Variants in TEP1 observed in about 807,000 individuals in gnomAD.
TEP1 encodes the protein telomerase associated protein 1.
TEP1 carries 241 observed loss-of-function variants against 306.3 expected under a neutral mutation model. The observed-to-expected ratio is 0.79, with a 90% CI of 0.71 to 0.88. The LOEUF is 0.88. Ranked by LOEUF, TEP1 falls within the 40% of genes least tolerant of loss-of-function variation. TEP1 has a pLI of 0.00. For synonymous variants in TEP1, 1,289 were observed against 1,305.5 expected (o/e 0.99, Z 0.27); for missense variants, 3,051 against 3,276.1 (o/e 0.93, Z 1.68).
rs764003289 is a variant in TEP1, at chr14:20,381,917, G to A, written c.4420C>T (p.Arg1474Cys). The part of the protein sequence containing the change: ...GPFACLVQSL[R>C]SLLGEGPLER... The stretch of plus-strand genomic sequence containing the variant: ...GCTCTGCTGGGGCACCTGTACCTGC[G>A]CAGACTCTGGACGAGGCAGGCAAAC... The change falls in exon 30 of 55, where the codon CGC (arginine) becomes TGC (cysteine). Residue 1474 changes from arginine (R) to cysteine (C), a missense_variant. Arg to Cys is a radical substitution (Grantham distance 180, BLOSUM62 -3). Coordinates refer to ENST00000262715, the MANE Select transcript of TEP1 (RefSeq NM_007110.5). The surrounding 1 kb of genome is among the most constrained non-coding windows in gnomAD (Gnocchi z 4.0). 1.4e-5 allele frequency: 22 copies of A among 1,613,760 alleles called. No individual in the cohort carries two copies. The South Asian group carries it at 2.2e-4, about 16-fold the overall frequency.
chr14:20,384,460 G>T lies in TEP1; in HGVS notation c.3270C>A (p.Gly1090=), dbSNP rs745435784. 1.9e-6 allele frequency: 3 copies of T among 1,613,984 alleles called. No individual in the cohort carries two copies. The highest frequency in any genetic ancestry group is 2.2e-5 in the South Asian group (2 of 91,068). ...GGVAAGRPYV[G]GLEEFGQLVL... ...CCAACTGCCCAAACTCCTCCAGCCC[G>T]CCAACATAGGGCCGGCCAGCTGCCA... Residue 1090 remains glycine (G), a synonymous_variant, in exon 23 of 55, where the codon GGC becomes GGA. Coordinates refer to ENST00000262715, the MANE Select transcript of TEP1 (RefSeq NM_007110.5).
intron 7 of TEP1, 122 bp from the exon 8 acceptor site, chr14:20,401,703 A>C: frequency 6.9e-7 from 1 of 1,447,782 alleles, no homozygotes; most frequent in Non-Finnish European, 9.3e-7. Flanking sequence ...TTCAAAATAG[A>C]TTTGGCCAAG....
chr14:20,405,580 A>C lies in TEP1; in HGVS notation c.741T>G (p.Ala247=), dbSNP rs778857745. 6 of 1,613,794 alleles carry C rather than the reference A, an allele frequency of 3.7e-6. No homozygotes were observed. Among genetic ancestry groups the C allele is most frequent in the Non-Finnish European group, 5.1e-6 (6 of 1,179,820 alleles). ...TDHVLQEKKM[A]LLSLLCSTLV... ...GAGTAGAGCACAGCAAGCTCAGTAG[A>C]GCCATCTGGGAATTGAGAAAGAGGG... The change falls in exon 4 of 55, where the codon GCT becomes GCG. Residue 247 remains alanine (A), a synonymous_variant. Transcript: ENST00000262715.
intron 15 of TEP1, among the ~76,000 whole-genome samples, chr14:20,390,412 C>A (rs1877594833): frequency 6.6e-6 from 1 of 152,184 alleles, no homozygotes; most frequent in Non-Finnish European, 1.5e-5. Flanking sequence ...TGTTCAGTAG[C>A]ATCATGTCGA....
rs1218817549 is a variant in TEP1 at position 20,378,053 on chromosome 14, G to A, written c.5692C>T (p.Gln1898Ter). ...CCATCCTCTCCAGCCGTCAGTAACT[G>A]GCAACCCGCATGCAGGAAAAGCGCA... The part of the protein sequence containing the change: ...AAALFLHAGC[Q>*]LLTAGEDGKV... Residue 1898 changes from glutamine (Q) to a stop codon, truncating the protein, a stop_gained, in exon 39 of 55, where the codon CAG (glutamine) becomes TAG (stop). Coordinates refer to ENST00000262715, the MANE Select transcript of TEP1 (RefSeq NM_007110.5). LOFTEE classifies it high-confidence loss of function. 6.2e-7 allele frequency: 1 copy of A among 1,613,426 alleles called. No individual in the cohort carries two copies. The highest frequency in any genetic ancestry group is 1.3e-5 in the African/African-American group (1 of 74,838).
chr14:20,396,494 A>G, intron 10 of TEP1, 127 bp downstream of exon 10: 1 of 669,778 alleles, frequency 1.5e-6, no homozygotes, highest in Non-Finnish European at 2.5e-6. Context: ...TACAGCCCAC[A>G]TGGAAACAGC....
intron 4 of TEP1, 53 bp from the exon 5 acceptor site, chr14:20,404,825 C>T (rs181098353): frequency 1.3e-6 from 2 of 1,543,408 alleles, no homozygotes; most frequent in East Asian, 2.3e-5. Flanking sequence ...CCGTAGCTTT[C>T]TGCCCTGAAA....
intron 9 of TEP1, among the ~76,000 whole-genome samples, chr14:20,399,499 T>C (rs114387285): frequency 2.2e-4 from 34 of 151,796 alleles, no homozygotes; most frequent in African/African-American, 8.2e-4. Flanking sequence ...TTTTATCTTA[T>C]ATTTTATACT....
chr14:20,370,007 G>A (rs1884739698), intron 51 of TEP1, among the ~76,000 whole-genome samples: 1 of 151,362 alleles, frequency 6.6e-6, no homozygotes, highest in Non-Finnish European at 1.5e-5. Flanking sequence ...TCTGCCTCCT[G>A]GGTTCAAGCG....
chr14:20,368,777 C>T, intron 54 of TEP1, 21 bp downstream of exon 54: 1 of 1,597,354 alleles, frequency 6.3e-7, no homozygotes, highest in Non-Finnish European at 8.6e-7. Flanking sequence ...CACACACACA[C>T]ACACACACAC....
intron 6 of TEP1, 78 bp downstream of exon 6, chr14:20,403,645 C>T (rs1878936929): frequency 1.6e-5 from 26 of 1,603,352 alleles, no homozygotes; most frequent in Admixed American, 3.4e-5. Flanking sequence ...TGTGGGACTC[C>T]CCAGCATCAG....
chr14:20,379,875 G>A (rs1351179822), intron 35 of TEP1, 55 bp downstream of exon 35: 6 of 1,566,968 alleles, frequency 3.8e-6, no homozygotes, highest in Non-Finnish European at 5.2e-6. Context: ...AGGGCTTCAG[G>A]GCAGTCTGCA....
Position 20,407,884 on chromosome 14 carries a change from C to T in TEP1, c.556G>A (p.Glu186Lys). The T allele has an allele frequency of 6.3e-7, 1 of 1,595,080 alleles. No homozygotes were observed. Among genetic ancestry groups the T allele is most frequent in the Non-Finnish European group, 8.5e-7 (1 of 1,169,654 alleles). ...KSISATETAQ[E>K]ATLGRWFDSE... ...CCTGGAGCTATTACCAAAGTTGCTT[C>T]CTGAGCTGTCTCTGTGGCAGAGATG... The change falls in exon 2 of 55, where the codon GAA (glutamate) becomes AAA (lysine). Residue 186 changes from glutamate to lysine, a missense_variant. Coordinates refer to ENST00000262715, the MANE Select transcript of TEP1 (RefSeq NM_007110.5).
Position 20,381,093 on chromosome 14 carries a change from G to A in TEP1, c.4648-48C>T, listed in dbSNP as rs1280375833. 1.3e-6 allele frequency: 2 copies of A among 1,494,174 alleles called. No homozygotes were observed. Among genetic ancestry groups the A allele is most frequent in the South Asian group, 2.3e-5 (2 of 88,382 alleles). The allele number at this position is 1,494,174 out of a possible 1,614,324, so 92.6% of individuals were successfully genotyped here. A position where few individuals can be genotyped will look rare whatever the true frequency, so the allele number is the denominator to read the frequency against. ...ATTAGGGATATGAAGGGGCTGGTGA[G>A]AAGGGACAGTTTAGTCTCAGAACCT... On this transcript the variant is annotated intron_variant, in intron 32 of 54. Transcript: ENST00000262715. The surrounding 1 kb of genome is among the most constrained non-coding windows in gnomAD (Gnocchi z 4.0).
rs778228274 is a variant in TEP1, at chr14:20,373,820, G to A, written c.6472-10C>T. On this transcript the variant is annotated splice_polypyrimidine_tract_variant and intron_variant, in intron 44 of 54. Transcript: ENST00000262715. ...ACACCACGTGCTCCTCCTGCCCACA[G>A]AGCACAAGATCAGAGCAGAGTCATA... is the stretch of plus-strand genomic sequence containing the variant. 3.7e-6 allele frequency: 6 copies of A among 1,612,122 alleles called. No individual in the cohort carries two copies. The South Asian group carries it at 6.6e-5, about 18-fold the overall frequency.
At chr14:20,369,872 A>ATTTT in intron 51 of TEP1, 93 bp from the exon 52 acceptor site, 2 of 740,242 alleles carry the variant, frequency 2.7e-6, no homozygotes, top group African/African-American at 1.9e-5. Flanking sequence ...CTGGTCAGGA[A>ATTTT]TTTTTTTTTT....
At chr14:20,407,026 G>C (rs954824417) in intron 2 of TEP1, among the ~76,000 whole-genome samples, 2 of 152,234 alleles carry the variant, frequency 1.3e-5, no homozygotes, top group African/African-American at 4.8e-5. Context: ...TGCATAGTTT[G>C]TAATTGGCAG....
At chr14:20,391,438 T>C (rs1231053566) in intron 13 of TEP1, among the ~76,000 whole-genome samples, 161 bp downstream of exon 13, 1 of 152,162 alleles carries the variant, frequency 6.6e-6, no homozygotes, top group Non-Finnish European at 1.5e-5. Context: ...TCCTAGGAAT[T>C]GCCCCTAGGA....
At chr14:20,396,134 CAAAAG>C (rs1363916524) in intron 10 of TEP1, among the ~76,000 whole-genome samples, 185 bp from the exon 11 acceptor site, 1 of 152,098 alleles carries the variant, frequency 6.6e-6, no homozygotes, top group Admixed American at 6.5e-5. Flanking sequence ...GAAAAGGTAA[CAAAAG>C]AAGAGAAAGT....
Sources: gnomAD v4.1 joint callset for allele counts (sites outside exome capture counted in the v4.1 genomes callset) on GRCh38, gnomAD v4.1.1 for gene constraint, Gnocchi (gnomAD v3.1) non-coding constraint, MANE v1.5 for transcripts, NCBI Gene and HGNC (gene_info 2026-07-23, HGNC 2026-07-21) for gene names.